Variants in NSRP1 observed in about 807,000 individuals in gnomAD.
NSRP1 encodes coiled-coil domain containing 55.
A neutral mutation model predicts 54.7 loss-of-function variants in NSRP1; 24 were observed. The ratio of observed to expected loss-of-function variants is 0.44; its 90% CI spans 0.32 to 0.62. NSRP1 has a LOEUF of 0.62. Ranked by LOEUF, NSRP1 falls within the 20% of genes least tolerant of loss-of-function variation. NSRP1 has a pLI of 0.06. For missense variants in NSRP1, 596 were observed against 651.2 expected, an observed-to-expected ratio of 0.92 and a Z score of 0.92; for synonymous variants, 210 against 213.8, an observed-to-expected ratio of 0.98 and a Z score of 0.15.
chr17:30,159,867 G>T (rs1391932361), intron 2 of NSRP1, among the ~76,000 whole-genome samples: 1 of 152,036 alleles, frequency 6.6e-6, no homozygotes, highest in Non-Finnish European at 1.5e-5. Context: ...TCACCATGTT[G>T]GCCAGGCTGG....
intron 2 of NSRP1, among the ~76,000 whole-genome samples, chr17:30,145,257 G>A (rs2071843244): frequency 6.6e-6 from 1 of 152,056 alleles, no homozygotes; most frequent in Admixed American, 6.6e-5. Context: ...ATTCAGGGGT[G>A]GGATTTCTAG....
chr17:30,147,514 G>C (rs888012373), intron 2 of NSRP1, among the ~76,000 whole-genome samples: 32 of 151,258 alleles, frequency 2.1e-4, no homozygotes, highest in African/African-American at 6.8e-4. Context: ...GCCCAGGCTG[G>C]AGCGCAGTGG....
At chr17:30,166,787 A>G (rs9891999) in intron 2 of NSRP1, among the ~76,000 whole-genome samples, 75,466 of 151,828 alleles carry the variant, frequency 0.5, 19,292 homozygotes, top group East Asian at 0.82. Flanking sequence ...TTAGCCACGC[A>G]TGGTGGCGCA....
At chr17:30,145,013 A>G (rs2071840667) in intron 2 of NSRP1, among the ~76,000 whole-genome samples, 1 of 152,230 alleles carries the variant, frequency 6.6e-6, no homozygotes, top group African/African-American at 2.4e-5. Flanking sequence ...TTTTGTAAAC[A>G]TAAATGTTAC....
intron 2 of NSRP1, among the ~76,000 whole-genome samples, chr17:30,153,851 C>A (rs1279397671): frequency 6.6e-6 from 1 of 152,150 alleles, no homozygotes; most frequent in Non-Finnish European, 1.5e-5. Context: ...AAAATTAGTT[C>A]CTTAGTCACA....
intron 2 of NSRP1, among the ~76,000 whole-genome samples, chr17:30,130,946 A>C (rs940114059): frequency 6.6e-6 from 1 of 152,232 alleles, no homozygotes; most frequent in African/African-American, 2.4e-5. Flanking sequence ...TGTGCCAGTG[A>C]AACATAACAA....
At chr17:30,124,323 G>T (rs910128480) in intron 2 of NSRP1, among the ~76,000 whole-genome samples, 4 of 152,172 alleles carry the variant, frequency 2.6e-5, no homozygotes, top group African/African-American at 9.7e-5. Context: ...GAGAAGGATG[G>T]GTTTACACAA....
intron 2 of NSRP1, among the ~76,000 whole-genome samples, chr17:30,170,802 G>T (rs973738254): frequency 1.5e-4 from 23 of 152,302 alleles, no homozygotes; most frequent in Admixed American, 8.5e-4. Context: ...TGCCAAGAGG[G>T]ATTGCTAGGC....
chr17:30,125,809 A>G (rs1035649153), intron 2 of NSRP1: 2 of 152,236 alleles, frequency 1.3e-5, no homozygotes, highest in African/African-American at 4.8e-5. Context: ...CAGCCTCCCA[A>G]AGTGCTGTGA....
intron 2 of NSRP1, among the ~76,000 whole-genome samples, chr17:30,163,541 A>T (rs115203286): frequency 4.1e-4 from 62 of 152,228 alleles, no homozygotes; most frequent in African/African-American, 1.4e-3. Context: ...TCTGACTGCT[A>T]TTCAAAATGA....
chr17:30,166,774 A>T (rs1051873836), intron 2 of NSRP1, among the ~76,000 whole-genome samples: 1 of 152,116 alleles, frequency 6.6e-6, no homozygotes, highest in Non-Finnish European at 1.5e-5. Flanking sequence ...AATACAAAAA[A>T]AATTAGCCAC....
At chr17:30,175,988 GC>G (rs1905111131) in intron 3 of NSRP1, among the ~76,000 whole-genome samples, 1 of 143,814 alleles carries the variant, frequency 7.0e-6, no homozygotes, top group Non-Finnish European at 1.5e-5. Flanking sequence ...AGGCAACAGA[GC>G]AAGACTCCGA....
intron 2 of NSRP1, among the ~76,000 whole-genome samples, chr17:30,129,881 T>C (rs145296823): frequency 2.0e-5 from 3 of 152,350 alleles, no homozygotes; most frequent in African/African-American, 7.2e-5. Context: ...TCTCATATGC[T>C]ATTAAACTGA....
chr17:30,117,628 G>A (rs1297836956), intron 1 of NSRP1: 2 of 336,000 alleles, frequency 6.0e-6, no homozygotes, highest in African/African-American at 4.2e-5. Context: ...TATCCAGTCA[G>A]TTCTTAGAAA....
intron 2 of NSRP1, 70 bp downstream of exon 2, chr17:30,118,243 C>G (rs2071561465): frequency 8.5e-7 from 1 of 1,173,302 alleles, no homozygotes; most frequent in Non-Finnish European, 1.3e-6. Flanking sequence ...ACTTGTGACT[C>G]TGATACCTTT....
At chr17:30,180,258 G>A (rs1905251580) in intron 5 of NSRP1, among the ~76,000 whole-genome samples, 1 of 152,206 alleles carries the variant, frequency 6.6e-6, no homozygotes, top group Admixed American at 6.5e-5. Flanking sequence ...CCAAGTTCAA[G>A]TGATTCTTAT....
intron 2 of NSRP1, among the ~76,000 whole-genome samples, chr17:30,143,670 C>T (rs1051076784): frequency 4.6e-5 from 7 of 152,090 alleles, no homozygotes; most frequent in Non-Finnish European, 8.8e-5. Context: ...AACAAACTTA[C>T]GGAGTTTTTC....
chr17:30,122,367 A>ATATATATATG (rs2071607954), intron 2 of NSRP1: 1 of 19,070 alleles, frequency 5.2e-5, no homozygotes, highest in South Asian at 3.3e-3. Context: ...ATATATATAT[A>ATATATATATG]TATATATATA....
intron 1 of NSRP1, chr17:30,117,242 G>A (rs2071543774): frequency 3.3e-6 from 2 of 608,362 alleles, no homozygotes; most frequent in African/African-American, 1.9e-5. Context: ...TTCCTTAGAG[G>A]GCCTTGTTCT....
Sources: allele counts gnomAD v4.1 joint callset (sites outside exome capture counted in the v4.1 genomes callset), GRCh38; gene constraint gnomAD v4.1.1; transcripts MANE v1.5; gene names NCBI Gene and HGNC (gene_info 2026-07-23, HGNC 2026-07-21).